Variants in CNTN1 observed in about 807,000 individuals in gnomAD.
The protein encoded by CNTN1 is contactin 1.
Under a neutral mutation model 126.4 loss-of-function variants are expected in CNTN1, and 38 were observed. The ratio of observed to expected loss-of-function variants is 0.30; its 90% confidence interval spans 0.23 to 0.39. The LOEUF is 0.39. Ranked by LOEUF, CNTN1 falls within the 10% of genes least tolerant of loss-of-function variation. The pLI is 1.00. For missense variants in CNTN1, 1,009 were observed against 1,248.4 expected, an observed-to-expected ratio of 0.81 and a Z score of 2.89; for synonymous variants, 413 against 422.6, an observed-to-expected ratio of 0.98 and a Z score of 0.28.
At chr12:40,723,668 A>T (rs1418751452) in intron 1 of CNTN1, among the ~76,000 whole-genome samples, 1 of 152,190 alleles carries the variant, frequency 6.6e-6, no homozygotes, top group East Asian at 1.9e-4. Context: ...CTTTTGCCCT[A>T]TTAGGATTGT....
chr12:40,958,798 C>T (rs1484227652), intron 14 of CNTN1, among the ~76,000 whole-genome samples: 2 of 151,958 alleles, frequency 1.3e-5, no homozygotes, highest in African/African-American at 4.8e-5. Flanking sequence ...ACTTATTAGA[C>T]CTTAATATTT....
intron 1 of CNTN1, among the ~76,000 whole-genome samples, chr12:40,872,044 T>C (rs1565864730): frequency 6.6e-6 from 1 of 152,124 alleles, no homozygotes; most frequent in Non-Finnish European, 1.5e-5. Flanking sequence ...TGGGGCCCCT[T>C]TCTTGAAGTT....
intron 1 of CNTN1, among the ~76,000 whole-genome samples, chr12:40,890,043 AAAG>A (rs1236854258): frequency 6.6e-6 from 1 of 152,190 alleles, no homozygotes; most frequent in East Asian, 1.9e-4. Context: ...TATCAATAAA[AAAG>A]AAATACAGAT....
chr12:40,842,558 T>A (rs7488883), intron 1 of CNTN1, among the ~76,000 whole-genome samples: 52,435 of 151,624 alleles, frequency 0.35, 9,292 homozygotes, highest in East Asian at 0.55. Flanking sequence ...AAAGAAAAAA[T>A]AATAATTTTT....
At chr12:40,904,796 C>G (rs545336434) in intron 1 of CNTN1, among the ~76,000 whole-genome samples, 2 of 152,300 alleles carry the variant, frequency 1.3e-5, no homozygotes, top group Admixed American at 6.5e-5. Flanking sequence ...ATGGTCCATT[C>G]ATTTCATCAT....
chr12:40,954,591 C>A (rs942505256), intron 14 of CNTN1, among the ~76,000 whole-genome samples: 1 of 152,020 alleles, frequency 6.6e-6, no homozygotes, highest in African/African-American at 2.4e-5. Flanking sequence ...GGCACAGTCC[C>A]CCAAACCACC....
Position 40,806,102 on chromosome 12 carries a change from G to A in CNTN1, c.-76-102255G>A, listed in dbSNP as rs79583810. On this transcript the variant is annotated intron_variant, in intron 1 of 23. Transcript: ENST00000551295. ...GCTGTTGCTTGATACTCAGTGCTAG[G>A]TTATATCGGAGTGCAAGGATAACAG... Among the ~76,000 whole-genome samples the A allele has an allele frequency of 3.7e-3, 561 of 152,166 alleles. 6 individuals carry two copies. Among genetic ancestry groups the A allele is most frequent in the African/African-American group, 0.013 (538 of 41,496 alleles).
rs1942785451 is a variant in CNTN1 at position 40,853,381 on chromosome 12, C to G, written c.-76-54976C>G. ...TTAGTGGATTAACTAAAGTATTGAA[C>G]AGGAGACCAAGACTGGATTTTTGTT... On this transcript the variant is annotated intron_variant, in intron 1 of 23. Coordinates refer to ENST00000551295, the MANE Select transcript of CNTN1 (RefSeq NM_001843.4). Among the ~76,000 whole-genome samples the G allele has an allele frequency of 1.3e-5, 2 of 152,092 alleles. 1 individual carries two copies. The highest frequency in any genetic ancestry group is 4.1e-4 in the South Asian group (2 of 4,826).
chr12:40,852,483 C>T (rs1424732779), intron 1 of CNTN1, among the ~76,000 whole-genome samples: 2 of 151,932 alleles, frequency 1.3e-5, no homozygotes, highest in African/African-American at 4.8e-5. Flanking sequence ...ACATATCATT[C>T]ATTTACCCAA....
intron 1 of CNTN1, among the ~76,000 whole-genome samples, chr12:40,694,690 G>A (rs1227145043): frequency 6.6e-6 from 1 of 152,114 alleles, no homozygotes; most frequent in African/African-American, 2.4e-5. Context: ...AAGTCATTTT[G>A]AAGATAAATT....
intron 23 of CNTN1, among the ~76,000 whole-genome samples, chr12:41,063,085 TA>T (rs1165694094): frequency 6.6e-6 from 1 of 152,196 alleles, no homozygotes; most frequent in Non-Finnish European, 1.5e-5. Context: ...TACAAATAAA[TA>T]AGATAAAAAA....
intron 19 of CNTN1, among the ~76,000 whole-genome samples, chr12:41,020,018 A>G (rs890528501): frequency 6.6e-6 from 1 of 152,166 alleles, no homozygotes; most frequent in Non-Finnish European, 1.5e-5. Context: ...TTGCTCACAG[A>G]TGTAATAGAA....
chr12:40,726,359 A>C lies in CNTN1; in HGVS notation c.-77+33767A>C, dbSNP rs577424874. ...CCACACACTGGGTAATTTATAAAGGAAAGAGGTTTCATTGACTCACAGTTC... is the reference window on the plus strand; with the variant it reads ...CCACACACTGGGTAATTTATAAAGGCAAGAGGTTTCATTGACTCACAGTTC... On this transcript the variant is annotated intron_variant, in intron 1 of 23. Coordinates refer to ENST00000551295, the MANE Select transcript of CNTN1 (RefSeq NM_001843.4). Among the ~76,000 whole-genome samples, 5 of 152,352 alleles carry C rather than the reference A, an allele frequency of 3.3e-5. No homozygotes were observed. The South Asian group carries it at 1.0e-3, about 32-fold the overall frequency.
At chr12:41,048,659 A>AG (rs1268243041) in intron 23 of CNTN1, among the ~76,000 whole-genome samples, 4 of 151,902 alleles carry the variant, frequency 2.6e-5, no homozygotes, top group Admixed American at 1.3e-4. Flanking sequence ...CCCACTTTTA[A>AG]GGGGGGAAAA....
chr12:41,034,555 C>T (rs190558591), intron 23 of CNTN1, among the ~76,000 whole-genome samples: 19 of 152,306 alleles, frequency 1.2e-4, no homozygotes. Flanking sequence ...AAGATACAAT[C>T]AGATATTATC....
chr12:40,887,480 T>G (rs1272030653), intron 1 of CNTN1, among the ~76,000 whole-genome samples: 3 of 152,150 alleles, frequency 2.0e-5, no homozygotes, highest in Non-Finnish European at 2.9e-5. Flanking sequence ...TCTCACACCA[T>G]TTAGAATGGC....
rs370369018 is a variant in CNTN1, at chr12:40,904,390, C to T, written c.-76-3967C>T. On this transcript the variant is annotated intron_variant, in intron 1 of 23. Coordinates refer to ENST00000551295, the MANE Select transcript of CNTN1 (RefSeq NM_001843.4). ...CTTTCCTTCCTTCCTTCTTTCCTTC[C>T]TTCCTTCTTCCCTCCCTCTTTCATT... 4.8e-3 allele frequency among the ~76,000 whole-genome samples: 623 copies of T among 130,470 alleles called. 3 individuals carry two copies. Among genetic ancestry groups the T allele is most frequent in the African/African-American group, 0.015 (501 of 33,516 alleles). 85.6% of individuals were successfully genotyped at this position (130,470 alleles called of 152,430 possible).
chr12:41,011,080 A>G (rs1948640635), intron 17 of CNTN1, among the ~76,000 whole-genome samples: 1 of 152,186 alleles, frequency 6.6e-6, no homozygotes, highest in African/African-American at 2.4e-5. Flanking sequence ...GTGGTGAAAC[A>G]CTTGAGTTAA....
intron 18 of CNTN1, among the ~76,000 whole-genome samples, chr12:41,015,425 G>A (rs767401466): frequency 2.6e-5 from 4 of 152,102 alleles, no homozygotes; most frequent in African/African-American, 4.8e-5. Flanking sequence ...GATAGAGCCC[G>A]AGAGTTGTTA....
Sources: allele counts gnomAD v4.1 joint callset (sites outside exome capture counted in the v4.1 genomes callset), GRCh38; gene constraint gnomAD v4.1.1; transcripts MANE v1.5; gene names NCBI Gene and HGNC (gene_info 2026-07-23, HGNC 2026-07-21).